The following DOCK1 variants were observed in gnomAD, a reference collection of about 807,000 sequenced individuals.
The protein encoded by DOCK1 is dedicator of cytokinesis 1, also known as dedicator of cytokinesis protein 1.
In DOCK1, 138 loss-of-function variants were observed where a neutral mutation model predicts 262.7. That is an observed-to-expected ratio of 0.53 (90% CI 0.46 to 0.61). DOCK1 has a LOEUF of 0.61. DOCK1 is among the 20% of genes least tolerant of loss of function. The pLI is 0.00. For synonymous variants in DOCK1, 866 were observed against 867.4 expected, an observed-to-expected ratio of 1.00 and a Z score of 0.03; for missense variants, 1,908 against 2,370.7, an observed-to-expected ratio of 0.80 and a Z score of 4.05.
chr10:126,999,817 A>G (rs1000209715), intron 9 of DOCK1, among the ~76,000 whole-genome samples: 2 of 152,144 alleles, frequency 1.3e-5, no homozygotes, highest in East Asian at 3.9e-4. Flanking sequence ...CTGGGATTAC[A>G]GGCATGCACC....
chr10:127,155,380 G>T (rs766597134), intron 27 of DOCK1, among the ~76,000 whole-genome samples: 1 of 152,066 alleles, frequency 6.6e-6, no homozygotes, highest in Non-Finnish European at 1.5e-5. Context: ...ACCATATTCT[G>T]CTCCAAAGTG....
chr10:126,952,848 GTAT>G (rs2036407039), intron 1 of DOCK1, among the ~76,000 whole-genome samples: 1 of 152,176 alleles, frequency 6.6e-6, no homozygotes, highest in Non-Finnish European at 1.5e-5. Flanking sequence ...AGTGTTGGTA[GTAT>G]TGTTGGTGAT....
At position 127,418,404 on chromosome 10, in the gene DOCK1, C is replaced by G. The variant is rs766407265; in HGVS notation, c.4555C>G (p.Gln1519Glu). The G allele has an allele frequency of 5.4e-5, 87 of 1,613,510 alleles. No individual in the cohort carries two copies. The Admixed American group carries it at 1.4e-3, about 27-fold the overall frequency. ...CCTGGAGAATGCCATTGAGACCATGCAGCTGACGAACGACAAGATCAACAG... is the reference window on the plus strand; with the variant it reads ...CCTGGAGAATGCCATTGAGACCATGGAGCTGACGAACGACAAGATCAACAG... ...SPLENAIETMQLTNDKINSMV... is the reference protein window; with the variant it reads ...SPLENAIETMELTNDKINSMV... Residue 1519 changes from glutamine (Q) to glutamate (E), a missense_variant, in exon 45 of 52, where the codon CAG (glutamine) becomes GAG (glutamate). Physicochemically the swap from Gln to Glu is conservative, Grantham distance 29 (BLOSUM62 2). Transcript: ENST00000623213.
chr10:127,144,787 C>T (rs1444243402), intron 27 of DOCK1, among the ~76,000 whole-genome samples: 10 of 152,106 alleles, frequency 6.6e-5, no homozygotes, highest in African/African-American at 2.4e-4. Flanking sequence ...TGTATCCTTC[C>T]TTTACCACTA....
rs778946818 is a variant in DOCK1, at chr10:127,248,078, A to G, written c.2918A>G (p.Lys973Arg). 6.2e-7 allele frequency: 1 copy of G among 1,614,046 alleles called. No homozygotes were observed. Among genetic ancestry groups the G allele is most frequent in the South Asian group, 1.1e-5 (1 of 91,074 alleles). ...GATTACCATTATGCCCACTTGATCA[A>G]GACTTTTGGGAAAATGAGGACTGAT... ...MEDYHYAHLI[K>R]TFGKMRTDVV... The change falls in exon 28 of 52, where the codon AAG becomes AGG. Residue 973 changes from lysine (K) to arginine (R), a missense_variant. This residue lies in a region of DOCK1 where 518 missense variants were observed against 575.1 expected (regional missense o/e 0.90). Coordinates refer to ENST00000623213, the MANE Select transcript of DOCK1 (RefSeq NM_001290223.2).
intron 29 of DOCK1, among the ~76,000 whole-genome samples, chr10:127,279,963 G>A (rs2135264876): frequency 6.9e-6 from 1 of 144,954 alleles, no homozygotes. Context: ...CTTTGAGAAT[G>A]CATTAATTTT....
chr10:127,225,906 G>C (rs1360204405), intron 27 of DOCK1, among the ~76,000 whole-genome samples: 5 of 151,890 alleles, frequency 3.3e-5, no homozygotes, highest in Non-Finnish European at 4.4e-5. Flanking sequence ...GTGAAAACCT[G>C]TCTCTACTAA....
intron 1 of DOCK1, among the ~76,000 whole-genome samples, chr10:126,953,301 GT>G (rs1461225318): frequency 1.5e-4 from 23 of 151,764 alleles, no homozygotes; most frequent in African/African-American, 5.6e-4. Flanking sequence ...GGTGGTAGTG[GT>G]GATGGCAGTG....
intron 21 of DOCK1, among the ~76,000 whole-genome samples, chr10:127,044,313 TG>T (rs2044202748): frequency 6.6e-6 from 1 of 152,172 alleles, no homozygotes; most frequent in Non-Finnish European, 1.5e-5. Flanking sequence ...CTGCCTCGTG[TG>T]CGTGTTTACT....
chr10:126,934,421 A>T (rs1349600534), intron 1 of DOCK1, among the ~76,000 whole-genome samples: 1 of 152,228 alleles, frequency 6.6e-6, no homozygotes, highest in Non-Finnish European at 1.5e-5. Context: ...GCAGGCTCCC[A>T]CCTTCGGAGA....
chr10:127,042,195 G>A lies in DOCK1; in HGVS notation c.2011-430G>A, dbSNP rs375918389. Among the ~76,000 whole-genome samples, 14 of 152,304 alleles carry A rather than the reference G, an allele frequency of 9.2e-5. No homozygotes were observed. In the East Asian group the frequency reaches 1.4e-3, roughly 15 times the overall value. On this transcript the variant is annotated intron_variant, in intron 19 of 51. Transcript: ENST00000623213. ...CTTCCATGCCTGGGCACCCTGGTTG[G>A]TAGAAGGTCCTTCCTTCCACTCAGC... is the stretch of plus-strand genomic sequence containing the variant.
intron 47 of DOCK1, 149 bp downstream of exon 47, chr10:127,426,160 G>A (rs773926041): frequency 2.2e-6 from 3 of 1,374,620 alleles, no homozygotes; most frequent in Non-Finnish European, 3.0e-6. Context: ...AGCCCCCTTG[G>A]GCAGTCTTGT....
At chr10:127,130,096 T>TTTTTTTTTTTTTC (rs2050228128) in intron 27 of DOCK1, among the ~76,000 whole-genome samples, 2 of 127,636 alleles carry the variant, frequency 1.6e-5, no homozygotes, top group African/African-American at 6.5e-5. Flanking sequence ...TTTTTTTTTT[T>TTTTTTTTTTTTTC]CCCCTGAGAT....
intron 43 of DOCK1, among the ~76,000 whole-genome samples, chr10:127,414,670 A>T (rs905481537): frequency 6.6e-6 from 1 of 152,210 alleles, no homozygotes; most frequent in Admixed American, 6.5e-5. Context: ...ACGTCAAAAC[A>T]TTTTAAAGTT....
intron 23 of DOCK1, among the ~76,000 whole-genome samples, chr10:127,084,655 G>T (rs2047093439): frequency 6.6e-6 from 1 of 152,138 alleles, no homozygotes; most frequent in South Asian, 2.1e-4. Flanking sequence ...CTTTCTAACG[G>T]GTTTACATGA....
In DOCK1 at chr10:127,427,788, C is replaced by T. The variant is rs775276945; in HGVS notation, c.4914+1777C>T. Among the ~76,000 whole-genome samples, 154 of 152,354 alleles carry T rather than the reference C, an allele frequency of 1.0e-3. 1 individual carries two copies. Among genetic ancestry groups the T allele is most frequent in the Admixed American group, 2.9e-3 (44 of 15,308 alleles). ...ATCACACTGCATGCTCTCCCAGTCT[C>T]CCCGCCTCTGCCGGGCATGACCGAA... is the stretch of plus-strand genomic sequence containing the variant. On this transcript the variant is annotated intron_variant, in intron 47 of 51. Coordinates refer to ENST00000623213, the MANE Select transcript of DOCK1 (RefSeq NM_001290223.2).
chr10:127,090,245 G>A (rs1307307806), intron 23 of DOCK1, among the ~76,000 whole-genome samples: 1 of 152,112 alleles, frequency 6.6e-6, no homozygotes, highest in Non-Finnish European at 1.5e-5. Context: ...CAGTGGCACC[G>A]GAACTCATTA....
chr10:127,006,662 C>T (rs1037721105), intron 10 of DOCK1, among the ~76,000 whole-genome samples: 2 of 152,180 alleles, frequency 1.3e-5, no homozygotes, highest in Non-Finnish European at 2.9e-5. Flanking sequence ...AGGATGGGTG[C>T]GGGACTCGGG....
At chr10:127,070,266 T>TTTG (rs2046144054) in intron 23 of DOCK1, among the ~76,000 whole-genome samples, 1 of 144,656 alleles carries the variant, frequency 6.9e-6, no homozygotes, top group African/African-American at 2.6e-5. Flanking sequence ...TTTTTTTTTT[T>TTTG]TTTTTGAGAT....
Sources: allele counts gnomAD v4.1 joint callset (sites outside exome capture counted in the v4.1 genomes callset), GRCh38; gene constraint gnomAD v4.1.1; regional missense constraint gnomAD v4.1.1; transcripts MANE v1.5; gene names NCBI Gene and HGNC (gene_info 2026-07-23, HGNC 2026-07-21).